Variants in FGD3 observed in about 807,000 individuals in gnomAD.
FGD3 encodes FYVE, RhoGEF and PH domain-containing protein 3.
In FGD3, 45 loss-of-function variants were observed where a neutral mutation model predicts 71.8. The observed-to-expected ratio is 0.63, with a 90% CI of 0.49 to 0.80. The LOEUF is 0.80. FGD3 is among the 30% of genes least tolerant of loss of function. FGD3 has a pLI of 0.00. For missense variants in FGD3, 844 were observed against 951.5 expected (o/e 0.89, Z 1.49); for synonymous variants, 378 against 392.8 (o/e 0.96, Z 0.44).
intron 1 of FGD3, among the ~76,000 whole-genome samples, chr9:92,970,560 A>C (rs1242305583): frequency 6.6e-6 from 1 of 152,192 alleles, no homozygotes; most frequent in Non-Finnish European, 1.5e-5. Context: ...GCCACTGTTG[A>C]ACTACAGGGA....
At chr9:92,957,481 C>T (rs77473845) in intron 1 of FGD3, among the ~76,000 whole-genome samples, 2,458 of 152,088 alleles carry the variant, frequency 0.016, 56 homozygotes, top group African/African-American at 0.054. Context: ...AGCTCATATA[C>T]TTATTGTCTA....
intron 1 of FGD3, among the ~76,000 whole-genome samples, chr9:92,955,168 G>A (rs184030935): frequency 2.1e-4 from 32 of 152,264 alleles, no homozygotes; most frequent in Admixed American, 1.0e-3. Flanking sequence ...GGTTCCAGCC[G>A]GGCCAACTCT....
At chr9:92,971,528 G>A (rs573883548) in intron 1 of FGD3, among the ~76,000 whole-genome samples, 17 of 145,780 alleles carry the variant, frequency 1.2e-4, no homozygotes, top group African/African-American at 1.8e-4. Context: ...GTTCAAAGGC[G>A]ATAAGGGTGG....
intron 14 of FGD3, among the ~76,000 whole-genome samples, chr9:93,028,994 A>T (rs1231462783): frequency 1.1e-4 from 8 of 73,072 alleles, no homozygotes; most frequent in Non-Finnish European, 2.3e-4. Flanking sequence ...ATGTCCTCAC[A>T]GTTTTTTTTT....
At chr9:93,008,728 C>G (rs908238635) in intron 6 of FGD3, among the ~76,000 whole-genome samples, 1 of 152,194 alleles carries the variant, frequency 6.6e-6, no homozygotes, top group African/African-American at 2.4e-5. Context: ...CTTTGGGAGG[C>G]CCAGGTGGGC....
chr9:93,035,351 C>T lies in FGD3; in HGVS notation c.1940C>T (p.Pro647Leu). The change falls in exon 18 of 18, where the codon CCC becomes CTC. Residue 647 changes from proline to leucine, a missense_variant. Transcript: ENST00000375482. ...LQGGSQDGRL[P>L]RTIPLPSCKL... ...CCTCTGCTGCAGGACGGCCGGCTGC[C>T]CCGCACCATCCCTCTCCCCAGCTGC... 1 of 1,609,946 alleles carries T rather than the reference C, an allele frequency of 6.2e-7. No homozygotes were observed. The highest frequency in any genetic ancestry group is 1.1e-5 in the South Asian group (1 of 90,510).
intron 11 of FGD3, 104 bp from the exon 12 acceptor site, chr9:93,019,727 C>T: frequency 9.0e-7 from 1 of 1,109,944 alleles, no homozygotes; most frequent in Non-Finnish European, 1.4e-6. Context: ...GCTGCGTTGA[C>T]AAGCCAGTGC....
At chr9:93,008,689 T>C (rs1861169400) in intron 6 of FGD3, among the ~76,000 whole-genome samples, 1 of 152,180 alleles carries the variant, frequency 6.6e-6, no homozygotes. Context: ...CTTGGCCGCT[T>C]GTGGTAGCTC....
intron 1 of FGD3, among the ~76,000 whole-genome samples, chr9:92,958,697 A>G (rs1487181440): frequency 6.6e-6 from 1 of 152,264 alleles, no homozygotes; most frequent in Non-Finnish European, 1.5e-5. Flanking sequence ...CAGTTTTAGC[A>G]TTCACAATTA....
chr9:93,023,123 C>T (rs1461128061), intron 14 of FGD3, among the ~76,000 whole-genome samples: 6 of 152,236 alleles, frequency 3.9e-5, no homozygotes, highest in Admixed American at 1.3e-4. Flanking sequence ...CCCGATGTGG[C>T]TGCTGTGCCC....
intron 14 of FGD3, among the ~76,000 whole-genome samples, chr9:93,022,952 G>A (rs537768922): frequency 1.2e-4 from 18 of 152,250 alleles, no homozygotes; most frequent in Middle Eastern, 3.4e-3. Context: ...CCACGCGCCC[G>A]CCTGCCAGGG....
Position 93,035,363 on chromosome 9 carries a change from C to T in FGD3, c.1952C>T (p.Pro651Leu). ...SQDGRLPRTI[P>L]LPSCKLSVPD... ...GACGGCCGGCTGCCCCGCACCATCCCTCTCCCCAGCTGCAAACTGAGTGTG... is the reference window on the plus strand; with the variant it reads ...GACGGCCGGCTGCCCCGCACCATCCTTCTCCCCAGCTGCAAACTGAGTGTG... Residue 651 changes from proline to leucine, a missense_variant, in exon 18 of 18, where the codon CCT becomes CTT. Transcript: ENST00000375482. The T allele has an allele frequency of 6.2e-7, 1 of 1,610,444 alleles. No individual in the cohort carries two copies. The highest frequency in any genetic ancestry group is 8.5e-7 in the Non-Finnish European group (1 of 1,178,870).
intron 1 of FGD3, among the ~76,000 whole-genome samples, chr9:92,955,631 G>A (rs535302987): frequency 6.6e-6 from 1 of 152,204 alleles, no homozygotes; most frequent in East Asian, 1.9e-4. Flanking sequence ...CTTGCAAAAC[G>A]ATATAGGACC....
At chr9:92,971,293 C>T (rs143358847) in intron 1 of FGD3, among the ~76,000 whole-genome samples, 2 of 152,158 alleles carry the variant, frequency 1.3e-5, no homozygotes, top group East Asian at 3.9e-4. Flanking sequence ...TTCATCTGCT[C>T]TTGGACAAAA....
At chr9:93,030,464 A>G (rs1328343819) in intron 15 of FGD3, among the ~76,000 whole-genome samples, 1 of 152,202 alleles carries the variant, frequency 6.6e-6, no homozygotes, top group Admixed American at 6.5e-5. Context: ...CACCATCTCC[A>G]TTCCCCTCAC....
chr9:93,029,833 CAT>C (rs1862286703), intron 14 of FGD3, 39 bp from the exon 15 acceptor site: 1 of 1,599,588 alleles, frequency 6.3e-7, no homozygotes, highest in Non-Finnish European at 8.5e-7. Context: ...AGGGTGCACA[CAT>C]GATTCAGAAG....
At position 92,968,607 on chromosome 9, in the gene FGD3, C is replaced by T. The variant is rs1296893948; in HGVS notation, c.-217-6631C>T. ...GTTTTCTTTTCTTTTTTCTTTCTTT[C>T]TTTTTTTTTTTTTTGACACGGAGTC... On this transcript the variant is annotated intron_variant, in intron 1 of 17. Transcript: ENST00000375482. Among the ~76,000 whole-genome samples the T allele has an allele frequency of 1.6e-4, 23 of 143,046 alleles. 3 individuals carry two copies. Among genetic ancestry groups the T allele is most frequent in the Admixed American group, 3.5e-4 (5 of 14,352 alleles). 93.8% of individuals were successfully genotyped at this position (143,046 alleles called of 152,430 possible). A position where few individuals can be genotyped will look rare whatever the true frequency, so the allele number is the denominator to read the frequency against.
chr9:93,015,699 G>T (rs1192908043), intron 9 of FGD3, 38 bp from the exon 10 acceptor site: 1 of 1,574,180 alleles, frequency 6.4e-7, no homozygotes, highest in Non-Finnish European at 8.7e-7. Context: ...GGACCTGCGG[G>T]CAGCTCTCGT....
chr9:92,970,223 C>T (rs1480881984), intron 1 of FGD3, among the ~76,000 whole-genome samples: 3 of 152,210 alleles, frequency 2.0e-5, no homozygotes, highest in Non-Finnish European at 2.9e-5. Flanking sequence ...AGGACAGAAA[C>T]GTCCCCTGCG....
Sources: allele counts gnomAD v4.1 joint callset (sites outside exome capture counted in the v4.1 genomes callset), GRCh38; gene constraint gnomAD v4.1.1; transcripts MANE v1.5; gene names NCBI Gene and HGNC (gene_info 2026-07-23, HGNC 2026-07-21).